RYR2: variants seen among roughly 807,000 people sequenced by gnomAD.
RYR2 encodes the protein cardiac muscle ryanodine receptor-calcium release channel.
Under a neutral mutation model 601.1 loss-of-function variants are expected in RYR2, and 227 were observed. The observed-to-expected ratio is 0.38, with a 90% CI of 0.34 to 0.42. RYR2 has a LOEUF of 0.42. RYR2 is among the 10% of genes least tolerant of loss of function. The pLI, the probability that RYR2 is intolerant of heterozygous loss-of-function variation, is 1.00. For missense variants in RYR2, 4,646 were observed against 6,156.5 expected, an observed-to-expected ratio of 0.75 and a Z score of 8.21; for synonymous variants, 2,223 against 2,175.1, an observed-to-expected ratio of 1.02 and a Z score of -0.61.
intron 17 of RYR2, among the ~76,000 whole-genome samples, chr1:237,474,557 C>G (rs148414328): frequency 2.2e-3 from 328 of 152,068 alleles, no homozygotes; most frequent in African/African-American, 7.7e-3. Flanking sequence ...TTCTTCCCTC[C>G]CTTCTTTAGT....
intron 1 of RYR2, among the ~76,000 whole-genome samples, chr1:237,266,297 G>A (rs2058931): frequency 0.35 from 52,421 of 151,832 alleles, 11,188 homozygotes; most frequent in Non-Finnish European, 0.46. Context: ...GTATTTGGCA[G>A]TGTTGGTCTT....
intron 1 of RYR2, among the ~76,000 whole-genome samples, chr1:237,146,058 C>T (rs1558315260): frequency 6.6e-6 from 1 of 152,150 alleles, no homozygotes; most frequent in Non-Finnish European, 1.5e-5. Flanking sequence ...TAGATATTGA[C>T]TGCAGAGGGA....
At chr1:237,268,933 C>G (rs1317169589) in intron 1 of RYR2, among the ~76,000 whole-genome samples, 1 of 8,552 alleles carries the variant, frequency 1.2e-4, no homozygotes, top group Non-Finnish European at 2.0e-4. Context: ...AGACTCTTGT[C>G]TCAAAAAAAA....
chr1:237,568,628 T>A (rs994769401), intron 28 of RYR2, among the ~76,000 whole-genome samples: 1 of 152,204 alleles, frequency 6.6e-6, no homozygotes, highest in African/African-American at 2.4e-5. Context: ...CTTCTAGATT[T>A]CCATTTTGTT....
At chr1:237,193,459 A>G (rs936205355) in intron 1 of RYR2, among the ~76,000 whole-genome samples, 5 of 152,204 alleles carry the variant, frequency 3.3e-5, no homozygotes, top group African/African-American at 1.2e-4. Flanking sequence ...GACTCCATCT[A>G]AAAAACAAAC....
intron 29 of RYR2, among the ~76,000 whole-genome samples, chr1:237,582,814 G>C (rs912766360): frequency 6.6e-6 from 1 of 152,018 alleles, no homozygotes; most frequent in East Asian, 1.9e-4. Flanking sequence ...CCAGTTCACT[G>C]TTGATGGGCA....
chr1:237,491,467 G>A (rs1348295359), intron 17 of RYR2, among the ~76,000 whole-genome samples: 1 of 152,094 alleles, frequency 6.6e-6, no homozygotes, highest in African/African-American at 2.4e-5. Context: ...TTCCTTTCCT[G>A]GAAAGCCTGA....
At chr1:237,786,155 C>T (rs560743420) in intron 91 of RYR2, 119 bp downstream of exon 91, 1 of 681,480 alleles carries the variant, frequency 1.5e-6, no homozygotes, top group African/African-American at 1.8e-5. Flanking sequence ...AGCCACAGAA[C>T]TAATTGTGCC....
At chr1:237,130,138 T>A (rs550806114) in intron 1 of RYR2, among the ~76,000 whole-genome samples, 11 of 152,018 alleles carry the variant, frequency 7.2e-5, no homozygotes, top group African/African-American at 2.7e-4. Context: ...GTGATAGATA[T>A]GTTAATTAGT....
chr1:237,471,338 C>T (rs1167346768), intron 17 of RYR2: 1 of 152,208 alleles, frequency 6.6e-6, no homozygotes, highest in Non-Finnish European at 1.5e-5. Flanking sequence ...TTTGGGACTG[C>T]TCTTCATTAA....
In RYR2 at chr1:237,648,455, G is replaced by A. The variant is rs377136047; in HGVS notation, c.7354G>A (p.Val2452Met). The change falls in exon 49 of 105, where the codon GTG (valine) becomes ATG (methionine). Residue 2452 changes from valine (V) to methionine (M), a missense_variant. By Grantham distance (21) the Val-to-Met change is conservative. Coordinates refer to ENST00000366574, the MANE Select transcript of RYR2 (RefSeq NM_001035.3). Reference protein sequence around the residue: ...MPTIAKDGNVVEPDMSAGFCP... With the variant: ...MPTIAKDGNVMEPDMSAGFCP... ...CTTCTCTCTTTTAGATGGGAATGTG[G>A]TGGAACCTGACATGTCTGCGGGGTT... 9.1e-5 allele frequency: 146 copies of A among 1,607,038 alleles called. No individual in the cohort carries two copies. Among genetic ancestry groups the A allele is most frequent in the Non-Finnish European group, 1.2e-4 (138 of 1,176,198 alleles).
intron 76 of RYR2, among the ~76,000 whole-genome samples, chr1:237,729,710 G>A (rs115940546): frequency 0.011 from 1,610 of 151,996 alleles, 15 homozygotes; most frequent in Non-Finnish European, 0.018. Flanking sequence ...TTTCACAGGC[G>A]GCCATTTATG....
intron 14 of RYR2, among the ~76,000 whole-genome samples, chr1:237,453,797 C>G (rs1658477221): frequency 6.6e-6 from 1 of 152,120 alleles, no homozygotes. Context: ...AGTAATATAT[C>G]TTTCTTCCAA....
At chr1:237,696,983 C>G (rs1687507952) in intron 63 of RYR2, among the ~76,000 whole-genome samples, 1 of 152,000 alleles carries the variant, frequency 6.6e-6, no homozygotes, top group Non-Finnish European at 1.5e-5. Flanking sequence ...ATATCCCATC[C>G]TGCTCAAAAC....
At chr1:237,551,525 C>T (rs1271168743) in intron 27 of RYR2, among the ~76,000 whole-genome samples, 12 of 70,586 alleles carry the variant, frequency 1.7e-4, no homozygotes, top group East Asian at 8.7e-4. Context: ...AGCAAGACTC[C>T]GTCTCAAAAA....
intron 76 of RYR2, among the ~76,000 whole-genome samples, chr1:237,728,023 ACTC>A (rs553611384): frequency 2.6e-5 from 4 of 151,534 alleles, no homozygotes; most frequent in African/African-American, 9.7e-5. Flanking sequence ...ATGCCCCTCT[ACTC>A]CTTGCACATC....
chr1:237,393,622 T>C (rs1348023191), intron 10 of RYR2, among the ~76,000 whole-genome samples: 1 of 152,238 alleles, frequency 6.6e-6, no homozygotes, highest in African/African-American at 2.4e-5. Flanking sequence ...TTCTTCTTTT[T>C]CTCTGTCTTC....
intron 29 of RYR2, among the ~76,000 whole-genome samples, chr1:237,585,515 A>C (rs1471254513): frequency 1.3e-5 from 2 of 152,196 alleles, no homozygotes; most frequent in African/African-American, 4.8e-5. Context: ...TCTGTGTGGC[A>C]GCTGAACAGT....
intron 81 of RYR2, among the ~76,000 whole-genome samples, chr1:237,757,200 C>A (rs781041531): frequency 6.6e-6 from 1 of 151,710 alleles, no homozygotes; most frequent in Non-Finnish European, 1.5e-5. Flanking sequence ...TGTTATTATC[C>A]GAATTACTTA....
Sources: allele counts gnomAD v4.1 joint callset (sites outside exome capture counted in the v4.1 genomes callset), GRCh38; gene constraint gnomAD v4.1.1; transcripts MANE v1.5; gene names NCBI Gene and HGNC (gene_info 2026-07-23, HGNC 2026-07-21).